ENKUR: variants seen among roughly 807,000 people sequenced by gnomAD.
ENKUR encodes enkurin, TRPC channel interacting protein, also known as enkurin.
A neutral mutation model predicts 27.6 loss-of-function variants in ENKUR; 19 were observed. That is an observed-to-expected ratio of 0.69 (90% CI 0.48 to 1.01). ENKUR has a LOEUF of 1.01. Ranked by LOEUF, ENKUR falls within the 50% of genes least tolerant of loss-of-function variation. The probability of loss-of-function intolerance (pLI) is 0.00; values close to 1 mark genes in which losing one functional copy is unlikely to be tolerated. For missense variants in ENKUR, 312 were observed against 310.5 expected, an observed-to-expected ratio of 1.00 and a Z score of -0.04; for synonymous variants, 117 against 96.9, an observed-to-expected ratio of 1.21 and a Z score of -1.22.
intron 2 of ENKUR, chr10:25,026,801 A>T (rs1483509914): frequency 6.6e-6 from 1 of 152,600 alleles, no homozygotes; most frequent in African/African-American, 2.4e-5. Context: ...ACATTTTAAT[A>T]GTTTAATAAG....
chr10:25,016,199 G>C (rs1052941086), upstream of ENKUR: 1 of 1,171,542 alleles, frequency 8.5e-7, no homozygotes, highest in Admixed American at 4.6e-5. Context: ...CGAGGAAGTG[G>C]CAGGCAGCAC....
At chr10:24,987,067 G>A (rs1429019399) in intron 4 of ENKUR, among the ~76,000 whole-genome samples, 1 of 152,168 alleles carries the variant, frequency 6.6e-6, no homozygotes, top group African/African-American at 2.4e-5. Flanking sequence ...CCTCTGGCCT[G>A]AGTTCAGCCA....
At chr10:25,012,775 T>C (rs1564344138) in intron 1 of ENKUR, among the ~76,000 whole-genome samples, 1 of 152,168 alleles carries the variant, frequency 6.6e-6, no homozygotes, top group Non-Finnish European at 1.5e-5. Flanking sequence ...CTTTGAACTG[T>C]GGACTTCTGA....
At chr10:25,025,557 C>T (rs1850833860) in intron 2 of ENKUR, 1 of 1,138,744 alleles carries the variant, frequency 8.8e-7, no homozygotes, top group Admixed American at 2.7e-5. Flanking sequence ...ATGTAAATAT[C>T]TCTATATCTG....
intron 2 of ENKUR, chr10:25,023,118 T>A: frequency 9.3e-7 from 1 of 1,079,966 alleles, no homozygotes; most frequent in Non-Finnish European, 1.3e-6. Flanking sequence ...AACAATCTAC[T>A]GTAATTAGTA....
intron 1 of ENKUR, among the ~76,000 whole-genome samples, chr10:25,061,826 C>T (rs895849886): frequency 6.6e-6 from 1 of 152,142 alleles, no homozygotes; most frequent in African/African-American, 2.4e-5. Flanking sequence ...AGAAGTTAGT[C>T]TGAGGCGTGA....
In ENKUR at chr10:25,061,424, C is replaced by T. The variant is rs1851326565; in HGVS notation, c.-221-55G>A. ...GCAAGGTGGAACCTCCCAACACAAACTGAATCTCTTCCTCCTTCTGCTCCT... is the reference window on the plus strand; with the variant it reads ...GCAAGGTGGAACCTCCCAACACAAATTGAATCTCTTCCTCCTTCTGCTCCT... On this transcript the variant is annotated intron_variant, in intron 1 of 5. Coordinates refer to the ENKUR transcript ENST00000615958. 1.3e-5 allele frequency: 5 copies of T among 384,848 alleles called. No homozygotes were observed. In the South Asian group the frequency reaches 3.1e-4, roughly 24 times the overall value. The allele number at this position is 384,848 out of a possible 1,614,324, so 23.8% of individuals were successfully genotyped here.
intron 2 of ENKUR, among the ~76,000 whole-genome samples, chr10:25,029,867 T>A (rs1451598855): frequency 6.6e-6 from 1 of 152,228 alleles, no homozygotes; most frequent in East Asian, 1.9e-4. Flanking sequence ...GGCAATACTT[T>A]GATCAGCTGG....
intron 2 of ENKUR, among the ~76,000 whole-genome samples, chr10:25,026,987 TATC>T (rs1850865867): frequency 1.3e-5 from 2 of 152,208 alleles, no homozygotes; most frequent in African/African-American, 4.8e-5. Flanking sequence ...TTTATTATTT[TATC>T]ATTTACTTTT....
intron 2 of ENKUR, among the ~76,000 whole-genome samples, chr10:25,050,532 G>A (rs1469989452): frequency 6.6e-6 from 1 of 152,140 alleles, no homozygotes; most frequent in Non-Finnish European, 1.5e-5. Flanking sequence ...AGAACAGCAT[G>A]AGAAAGACCT....
At chr10:25,018,035 A>G (rs1301238021), upstream of ENKUR, among the ~76,000 whole-genome samples, 1 of 152,210 alleles carries the variant, frequency 6.6e-6, no homozygotes, top group Non-Finnish European at 1.5e-5. Context: ...TTCTGCAGTT[A>G]GCACCAACTG....
chr10:25,023,097 A>T (rs758415391), intron 2 of ENKUR: 2 of 866,946 alleles, frequency 2.3e-6, no homozygotes, highest in Admixed American at 2.9e-5. Flanking sequence ...ATTCAGTCCT[A>T]TTGGGATTTT....
At chr10:25,053,187 ATATATT>A (rs1314741331) in intron 2 of ENKUR, among the ~76,000 whole-genome samples, 1 of 152,138 alleles carries the variant, frequency 6.6e-6, no homozygotes, top group Admixed American at 6.5e-5. Flanking sequence ...TTATAATTGT[ATATATT>A]TATGCAGCAC....
At chr10:24,984,427 T>G (rs781026175) in intron 5 of ENKUR, 51 bp from the exon 6 acceptor site, 2 of 1,567,324 alleles carry the variant, frequency 1.3e-6, no homozygotes, top group Non-Finnish European at 1.7e-6. Context: ...ACTTTATTTT[T>G]CAGGACCTAG....
intron 2 of ENKUR, among the ~76,000 whole-genome samples, chr10:25,057,549 C>T (rs1851275602): frequency 6.6e-6 from 1 of 152,104 alleles, no homozygotes; most frequent in Non-Finnish European, 1.5e-5. Context: ...AATTAATTGG[C>T]TCCATAATGT....
At chr10:25,027,357 C>A (rs11598431) in intron 2 of ENKUR, among the ~76,000 whole-genome samples, 19,972 of 48,072 alleles carry the variant, frequency 0.42, 2,516 homozygotes, top group East Asian at 0.6. Flanking sequence ...ACTCCCGTCT[C>A]AAAAAAAAAA....
rs1850082950 is a variant in ENKUR at position 24,997,216 on chromosome 10, C to T, written c.224-1347G>A. 1.3e-5 allele frequency among the ~76,000 whole-genome samples: 2 copies of T among 152,006 alleles called. 1 individual carries two copies. The highest frequency in any genetic ancestry group is 2.9e-5 in the Non-Finnish European group (2 of 68,004). On this transcript the variant is annotated intron_variant, in intron 2 of 5. Coordinates refer to ENST00000331161, the MANE Select transcript of ENKUR (RefSeq NM_145010.4). ...CACTCCAGCCTGTGCAACATAGACC[C>T]TATCTCCAAAAATAAAAACAAACAA... is the stretch of plus-strand genomic sequence containing the variant.
At chr10:25,025,650 A>G (rs1850835999) in intron 2 of ENKUR, 2 of 609,008 alleles carry the variant, frequency 3.3e-6, no homozygotes, top group Admixed American at 3.2e-5. Context: ...GGAAGTGACA[A>G]AAGGTAACAC....
upstream of ENKUR, among the ~76,000 whole-genome samples, chr10:25,017,248 G>C (rs756781345): frequency 6.6e-6 from 1 of 152,188 alleles, no homozygotes; most frequent in Non-Finnish European, 1.5e-5. Flanking sequence ...CTGAGAAGCG[G>C]TTTTATTCCT....
Sources: allele counts gnomAD v4.1 joint callset (sites outside exome capture counted in the v4.1 genomes callset), GRCh38; gene constraint gnomAD v4.1.1; transcripts MANE v1.5; gene names NCBI Gene and HGNC (gene_info 2026-07-23, HGNC 2026-07-21).